AFF2: variants seen among roughly 807,000 people sequenced by gnomAD.
AFF2 encodes ALF transcription elongation factor 2.
AFF2 carries 14 observed loss-of-function variants against 76.9 expected under a neutral mutation model. That is an observed-to-expected ratio of 0.18 (90% confidence interval 0.12 to 0.28). The LOEUF is 0.28. AFF2 is among the 10% of genes least tolerant of loss of function. The pLI is 1.00. For missense variants in AFF2, 868 were observed against 1,001.1 expected (o/e 0.87, Z 1.79); for synonymous variants, 398 against 366.7 (o/e 1.09, Z -0.98).
chrX:148,606,248 G>A (rs2053671404), intron 1 of AFF2, among the ~76,000 whole-genome samples: 1 of 111,974 alleles, frequency 8.9e-6, no homozygotes, highest in South Asian at 3.7e-4. Flanking sequence ...CAGATTGTAG[G>A]AAACCAAGGA....
chrX:148,690,572 T>C, intron 3 of AFF2, among the ~76,000 whole-genome samples: 1 of 112,365 alleles, frequency 8.9e-6, no homozygotes, highest in Non-Finnish European at 1.9e-5. Flanking sequence ...TTCTTCATTA[T>C]ATCAGAGTGT....
intron 1 of AFF2, among the ~76,000 whole-genome samples, chrX:148,589,733 C>T (rs782425007): frequency 9.1e-6 from 1 of 110,352 alleles, no homozygotes; most frequent in African/African-American, 3.3e-5. Context: ...TTTCCACCAG[C>T]CTAATATATT....
chrX:148,909,747 A>G (rs972598165), intron 9 of AFF2, among the ~76,000 whole-genome samples: 1 of 111,750 alleles, frequency 8.9e-6, no homozygotes, highest in Non-Finnish European at 1.9e-5. Context: ...CTGGAACCAT[A>G]CTGTTATCAG....
chrX:148,709,236 A>G (rs1381495756), intron 3 of AFF2, among the ~76,000 whole-genome samples: 1 of 111,859 alleles, frequency 8.9e-6, no homozygotes, highest in African/African-American at 3.2e-5. Flanking sequence ...TTTTTAGGCT[A>G]ATCAAATTTT....
chrX:148,865,349 GATAAT>G (rs1164337380), intron 7 of AFF2, among the ~76,000 whole-genome samples: 1 of 112,388 alleles, frequency 8.9e-6, no homozygotes, highest in Non-Finnish European at 1.9e-5. Context: ...TACTGTCTGT[GATAAT>G]ATGTCATTAT....
intron 1 of AFF2, among the ~76,000 whole-genome samples, chrX:148,649,605 T>C (rs2054183919): frequency 8.9e-6 from 1 of 112,236 alleles, no homozygotes; most frequent in Admixed American, 9.4e-5. Context: ...TATTCAAATT[T>C]GTGTCTGGAA....
chrX:148,625,953 A>G (rs1257753630), intron 1 of AFF2, among the ~76,000 whole-genome samples: 2 of 112,304 alleles, frequency 1.8e-5, no homozygotes, highest in African/African-American at 6.5e-5. Context: ...ACTGGACAAA[A>G]AACAGAGGTG....
At chrX:148,722,111 T>TAAGG (rs2055100093) in intron 3 of AFF2, among the ~76,000 whole-genome samples, 1 of 111,494 alleles carries the variant, frequency 9.0e-6, no homozygotes, top group African/African-American at 3.3e-5. Context: ...AGCAAGTGTC[T>TAAGG]GTTAAGGTCT....
intron 11 of AFF2, among the ~76,000 whole-genome samples, chrX:148,957,831 G>A (rs1485663797): frequency 8.9e-6 from 1 of 112,249 alleles, no homozygotes; most frequent in Non-Finnish European, 1.9e-5. Flanking sequence ...AGCTGACAGT[G>A]TACCTTCAAA....
At chrX:148,934,109 A>G (rs1321756365) in intron 9 of AFF2, among the ~76,000 whole-genome samples, 2 of 112,799 alleles carry the variant, frequency 1.8e-5, no homozygotes, top group Non-Finnish European at 3.7e-5. Context: ...TCAAGTTGTC[A>G]CATATTTTTA....
intron 4 of AFF2, among the ~76,000 whole-genome samples, chrX:148,835,176 C>G (rs1303486559): frequency 1.8e-5 from 2 of 110,997 alleles, no homozygotes; most frequent in African/African-American, 6.6e-5. Flanking sequence ...GTCTGAAACA[C>G]CTTTTAATAA....
intron 4 of AFF2, among the ~76,000 whole-genome samples, chrX:148,824,783 C>T (rs1557272860): frequency 9.0e-6 from 1 of 111,709 alleles, no homozygotes; most frequent in African/African-American, 3.3e-5. Flanking sequence ...TGCCTGTAAT[C>T]CCAGCACTTT....
At chrX:148,853,351 A>G (rs1397002940) in intron 7 of AFF2, among the ~76,000 whole-genome samples, 1 of 111,596 alleles carries the variant, frequency 9.0e-6, no homozygotes, top group Non-Finnish European at 1.9e-5. Flanking sequence ...GATGTGGGGC[A>G]TCCATTTCTG....
chrX:148,856,685 A>G (rs1039676104), intron 7 of AFF2, among the ~76,000 whole-genome samples: 1 of 111,928 alleles, frequency 8.9e-6, no homozygotes, highest in Non-Finnish European at 1.9e-5. Flanking sequence ...ACATTTTGTA[A>G]AATCACCACT....
chrX:148,738,291 T>C (rs1461853201), intron 3 of AFF2, among the ~76,000 whole-genome samples: 1 of 111,394 alleles, frequency 9.0e-6, no homozygotes, highest in Non-Finnish European at 1.9e-5. Context: ...CATTTCAATC[T>C]CACTGCTTGT....
chrX:148,798,634 G>A (rs2070017251), intron 3 of AFF2, among the ~76,000 whole-genome samples: 1 of 112,222 alleles, frequency 8.9e-6, no homozygotes, highest in African/African-American at 3.2e-5. Flanking sequence ...AATTATAAAT[G>A]CCTGCCAGGT....
chrX:148,872,512 A>T (rs2070989723), intron 7 of AFF2, among the ~76,000 whole-genome samples: 1 of 112,168 alleles, frequency 8.9e-6, no homozygotes, highest in Non-Finnish European at 1.9e-5. Flanking sequence ...CATCATGTTT[A>T]TCCATTCCAT....
chrX:148,694,656 A>G (rs189519377), intron 3 of AFF2, among the ~76,000 whole-genome samples: 121 of 111,904 alleles, frequency 1.1e-3, no homozygotes, highest in Non-Finnish European at 2.0e-3. Flanking sequence ...CATAAGCACT[A>G]TGTGTTCATC....
chrX:148,558,390 T>A (rs1245224768), intron 1 of AFF2, among the ~76,000 whole-genome samples: 2 of 111,097 alleles, frequency 1.8e-5, no homozygotes, highest in Non-Finnish European at 3.8e-5. Flanking sequence ...GGCCCAAGTG[T>A]TTTCCCTTCT....
Sources: allele counts gnomAD v4.1 joint callset (sites outside exome capture counted in the v4.1 genomes callset), GRCh38; gene constraint gnomAD v4.1.1; transcripts MANE v1.5; gene names NCBI Gene and HGNC (gene_info 2026-07-23, HGNC 2026-07-21).